Variants in SLC7A14 observed in about 807,000 individuals in gnomAD.
SLC7A14 encodes gamma-aminobutyric acid transporter SLC7A14.
SLC7A14 carries 37 observed loss-of-function variants against 60.2 expected under a neutral mutation model. That is an observed-to-expected ratio of 0.61 (90% CI 0.47 to 0.81). SLC7A14 has a LOEUF of 0.81. SLC7A14 is among the 30% of genes least tolerant of loss of function. The pLI is 0.00. For synonymous variants in SLC7A14, 399 were observed against 395.8 expected (o/e 1.01, Z -0.10); for missense variants, 886 against 982.7 (o/e 0.90, Z 1.32).
intron 2 of SLC7A14, among the ~76,000 whole-genome samples, chr3:170,525,801 T>G (rs965301385): frequency 8.3e-4 from 127 of 152,342 alleles, no homozygotes; most frequent in African/African-American, 2.9e-3. Flanking sequence ...ACGCCTGTTA[T>G]CTCAGCACTT....
At chr3:170,573,862 T>C (rs1281457427) in intron 1 of SLC7A14, among the ~76,000 whole-genome samples, 1 of 152,192 alleles carries the variant, frequency 6.6e-6, no homozygotes. Flanking sequence ...CAGGTTATCT[T>C]TGACCACTCA....
At chr3:170,472,448 G>C (rs939722830) in intron 7 of SLC7A14, among the ~76,000 whole-genome samples, 1 of 150,744 alleles carries the variant, frequency 6.6e-6, no homozygotes, top group African/African-American at 2.4e-5. Context: ...CCTGGTCAAA[G>C]GTAATGGTGG....
rs1186098052 is a variant in SLC7A14 at position 170,466,798 on chromosome 3, A to C, written c.*257T>G. 5.0e-6 allele frequency: 2 copies of C among 396,640 alleles called. No homozygotes were observed. The highest frequency in any genetic ancestry group is 9.6e-5 in the East Asian group (2 of 20,832). The allele number at this position is 396,640 out of a possible 1,614,324, so 24.6% of individuals were successfully genotyped here. On this transcript the variant is annotated 3_prime_UTR_variant, in exon 8 of 8. Transcript: ENST00000231706. ...ACCATCAGCTCTGGTGGTTGCACCT[A>C]AGATGGAATTTCATATAGCCTCTTG...
intron 2 of SLC7A14, among the ~76,000 whole-genome samples, chr3:170,513,897 C>T (rs1713065485): frequency 6.6e-6 from 1 of 152,230 alleles, no homozygotes; most frequent in Non-Finnish European, 1.5e-5. Context: ...GTGATGCAAA[C>T]ACTCATTCCC....
At chr3:170,544,124 C>T (rs542276868) in intron 1 of SLC7A14, among the ~76,000 whole-genome samples, 3 of 152,112 alleles carry the variant, frequency 2.0e-5, no homozygotes, top group Admixed American at 2.0e-4. Flanking sequence ...ATTGAGCGTG[C>T]TTAATTTGTA....
At position 170,481,099 on chromosome 3, in the gene SLC7A14, C is replaced by A. The variant is rs757560087; in HGVS notation, c.1183G>T (p.Ala395Ser). The change falls in exon 7 of 8, where the codon GCA becomes TCA. Residue 395 changes from alanine (A) to serine (S), a missense_variant. Transcript: ENST00000231706. ...VVACIVSGFL[A>S]ALLALLVSLR... ...CTGACCAACAGTGCGAGGAGCGCTG[C>A]CAGGAACCCCGACACGATGCAGGCC... 2 of 1,614,086 alleles carry A rather than the reference C, an allele frequency of 1.2e-6. No individual in the cohort carries two copies. Among genetic ancestry groups the A allele is most frequent in the Non-Finnish European group, 1.7e-6 (2 of 1,180,004 alleles).
chr3:170,527,166 TA>T, intron 1 of SLC7A14, 78 bp from the exon 2 acceptor site: 1 of 573,960 alleles, frequency 1.7e-6, no homozygotes, highest in Non-Finnish European at 3.1e-6. Context: ...GGTTGGAGGT[TA>T]ATGTCCTGAA....
rs548552230 is a variant in SLC7A14 at position 170,562,988 on chromosome 3, C to T, written c.-153+22923G>A. Among the ~76,000 whole-genome samples the T allele has an allele frequency of 2.6e-5, 4 of 152,256 alleles. No homozygotes were observed. In the South Asian group the frequency reaches 8.3e-4, roughly 32 times the overall value. On this transcript the variant is annotated intron_variant, in intron 1 of 7. Coordinates refer to ENST00000231706, the MANE Select transcript of SLC7A14 (RefSeq NM_020949.3). Reference sequence around the variant, plus strand: ...TGTTGGCCAGGCTGGTCTCAAACTTCTGGCCTCAAGTCAACTGACCACCTG... The same window carrying T: ...TGTTGGCCAGGCTGGTCTCAAACTTTTGGCCTCAAGTCAACTGACCACCTG...
chr3:170,507,470 A>G (rs947690162), intron 2 of SLC7A14, among the ~76,000 whole-genome samples: 19 of 152,072 alleles, frequency 1.2e-4, no homozygotes, highest in African/African-American at 4.6e-4. Context: ...GGAAGCCCGG[A>G]GACTGGGGGA....
chr3:170,552,162 A>T (rs1254969791), intron 1 of SLC7A14, among the ~76,000 whole-genome samples: 1 of 152,174 alleles, frequency 6.6e-6, no homozygotes, highest in Non-Finnish European at 1.5e-5. Context: ...CATTTGTTGA[A>T]AATACTGATC....
chr3:170,584,411 A>G (rs758445260), intron 1 of SLC7A14, among the ~76,000 whole-genome samples: 5 of 152,162 alleles, frequency 3.3e-5, no homozygotes, highest in Non-Finnish European at 5.9e-5. Context: ...ACTGCCTTTC[A>G]ACACTTTACC....
chr3:170,511,125 C>A (rs991591337), intron 2 of SLC7A14, among the ~76,000 whole-genome samples: 1 of 152,110 alleles, frequency 6.6e-6, no homozygotes, highest in African/African-American at 2.4e-5. Context: ...ACAAATAGGC[C>A]GGGTGCAGTG....
rs764020779 is a variant in SLC7A14, at chr3:170,480,843, G to A, written c.1439C>T (p.Thr480Ile). ...GGATGGTAAGTTCTTGGCCCCACAT[G>A]TGTTGGTGGCTGGGCCAGAAAACTC... ...GDEFSGPATN[T>I]CGAKNLPSLG... Residue 480 changes from threonine to isoleucine, a missense_variant, in exon 7 of 8, where the codon ACA becomes ATA. By Grantham distance (89) the Thr-to-Ile change is moderately conservative. Transcript: ENST00000231706. The A allele has an allele frequency of 1.1e-5, 17 of 1,614,016 alleles. No homozygotes were observed. The Admixed American group carries it at 1.8e-4, about 17-fold the overall frequency.
chr3:170,577,446 G>A (rs1374693011), intron 1 of SLC7A14, among the ~76,000 whole-genome samples: 12 of 151,144 alleles, frequency 7.9e-5, no homozygotes, highest in African/African-American at 1.2e-4. Context: ...GTGAAACCCC[G>A]TCTCTACTAA....
intron 1 of SLC7A14, among the ~76,000 whole-genome samples, chr3:170,572,855 T>G (rs911780149): frequency 6.6e-6 from 1 of 152,204 alleles, no homozygotes; most frequent in Non-Finnish European, 1.5e-5. Context: ...GACTCTAAAA[T>G]GAATCCCAAA....
intron 7 of SLC7A14, among the ~76,000 whole-genome samples, chr3:170,475,354 A>T (rs1711580362): frequency 6.6e-6 from 1 of 152,328 alleles, no homozygotes; most frequent in Admixed American, 6.5e-5. Flanking sequence ...CTTCAGTTTC[A>T]TAAGCAGCTC....
chr3:170,579,972 T>C (rs1198423125), intron 1 of SLC7A14, among the ~76,000 whole-genome samples: 1 of 152,222 alleles, frequency 6.6e-6, no homozygotes, highest in African/African-American at 2.4e-5. Context: ...ATCTTGGCCA[T>C]CACTATTTAT....
intron 7 of SLC7A14, among the ~76,000 whole-genome samples, chr3:170,469,311 A>G (rs995108602): frequency 2.0e-5 from 3 of 152,038 alleles, no homozygotes; most frequent in African/African-American, 4.8e-5. Context: ...CCTTGTCTCA[A>G]ATGACTTTGT....
At chr3:170,521,112 T>C (rs1713328525) in intron 2 of SLC7A14, among the ~76,000 whole-genome samples, 1 of 152,226 alleles carries the variant, frequency 6.6e-6, no homozygotes. Context: ...TAAGACCTTT[T>C]GGACAAAGCA....
Sources: gnomAD v4.1 joint callset for allele counts (sites outside exome capture counted in the v4.1 genomes callset) on GRCh38, gnomAD v4.1.1 for gene constraint, MANE v1.5 for transcripts, NCBI Gene and HGNC (gene_info 2026-07-23, HGNC 2026-07-21) for gene names.